The following PGBD5 variants were observed in gnomAD, a reference collection of about 807,000 sequenced individuals.
PGBD5 encodes the protein piggyBac transposable element-derived protein 5.
A neutral mutation model predicts 47.9 loss-of-function variants in PGBD5; 14 were observed. The observed-to-expected ratio is 0.29, with a 90% confidence interval of 0.19 to 0.46. The LOEUF is 0.46. Ranked by LOEUF, PGBD5 falls within the 20% of genes least tolerant of loss-of-function variation. The pLI is 1.00. For missense variants in PGBD5, 635 were observed against 716.0 expected, an observed-to-expected ratio of 0.89 and a Z score of 1.29; for synonymous variants, 316 against 306.3, an observed-to-expected ratio of 1.03 and a Z score of -0.33.
At position 230,408,003 on chromosome 1, in the gene PGBD5, CT is replaced by C. The variant is rs201571660; in HGVS notation, c.331+17594del. ...GGTAAGTCTTTACCTTAGAGAGCTACTGCTGGAGAGAATGGTGGAGACGTCA... is the reference window on the plus strand; with the variant it reads ...GGTAAGTCTTTACCTTAGAGAGCTACGCTGGAGAGAATGGTGGAGACGTCA... On this transcript the variant is annotated intron_variant, in intron 1 of 6. Coordinates refer to ENST00000391860, the MANE Select transcript of PGBD5 (RefSeq NM_001258311.2). 3.0e-3 allele frequency among the ~76,000 whole-genome samples: 450 copies of C among 152,304 alleles called. 3 individuals carry two copies. Among genetic ancestry groups the C allele is most frequent in the African/African-American group, 0.01 (425 of 41,560 alleles).
intron 1 of PGBD5, among the ~76,000 whole-genome samples, chr1:230,396,982 A>C (rs1389402545): frequency 6.6e-6 from 1 of 152,090 alleles, no homozygotes; most frequent in Non-Finnish European, 1.5e-5. Flanking sequence ...AGGGGTTTGG[A>C]GTCACGCCTT....
intron 1 of PGBD5, among the ~76,000 whole-genome samples, chr1:230,360,662 T>C (rs909296313): frequency 1.3e-5 from 2 of 152,174 alleles, no homozygotes; most frequent in Admixed American, 6.5e-5. Flanking sequence ...TCCGCCATGA[T>C]TGTAAGTTTC....
In PGBD5 at chr1:230,316,040, A is replaced by T. The variant is rs201825798; in HGVS notation, c.*7385T>A. The T allele has an allele frequency of 5.5e-4, 43 of 78,356 alleles. No individual in the cohort carries two copies. The highest frequency in any genetic ancestry group is 1.5e-3 in the African/African-American group (25 of 16,878). The allele number at this position is 78,356 out of a possible 1,614,324, so 4.9% of individuals were successfully genotyped here. On this transcript the variant is annotated 3_prime_UTR_variant, in exon 7 of 7. Coordinates refer to ENST00000391860, the MANE Select transcript of PGBD5 (RefSeq NM_001258311.2). Reference sequence around the variant, plus strand: ...TATGTATGTGTATACATACATAAGTATATGTGTACACATATATGTATGTGT... The same window carrying T: ...TATGTATGTGTATACATACATAAGTTTATGTGTACACATATATGTATGTGT...
chr1:230,378,918 G>A (rs529841111), intron 1 of PGBD5, among the ~76,000 whole-genome samples: 21 of 152,232 alleles, frequency 1.4e-4, no homozygotes, highest in African/African-American at 4.6e-4. Flanking sequence ...GAGGTCCCAA[G>A]GTGATGTATG....
At chr1:230,327,895 C>T (rs1667148187) in intron 5 of PGBD5, among the ~76,000 whole-genome samples, 1 of 152,246 alleles carries the variant, frequency 6.6e-6, no homozygotes, top group Non-Finnish European at 1.5e-5. Context: ...GTGCAGGTCT[C>T]CCATCTCCAG....
intron 1 of PGBD5, among the ~76,000 whole-genome samples, chr1:230,372,379 C>A (rs1198576327): frequency 6.6e-6 from 1 of 152,150 alleles, no homozygotes; most frequent in East Asian, 1.9e-4. Flanking sequence ...GATCTTCATA[C>A]AAAAAGACAA....
chr1:230,354,938 G>C (rs1365956854), intron 2 of PGBD5, among the ~76,000 whole-genome samples: 1 of 152,188 alleles, frequency 6.6e-6, no homozygotes, highest in Non-Finnish European at 1.5e-5. Context: ...AGGAGAGAGA[G>C]GAGGAAGAGG....
rs573811871 is a variant in PGBD5, at chr1:230,318,392, T to C, written c.*5033A>G. 6.9e-4 allele frequency: 105 copies of C among 152,164 alleles called. No homozygotes were observed. The highest frequency in any genetic ancestry group is 2.5e-3 in the African/African-American group (102 of 41,486). The allele number at this position is 152,164 out of a possible 1,614,324, so 9.4% of individuals were successfully genotyped here. On this transcript the variant is annotated 3_prime_UTR_variant, in exon 7 of 7. Transcript: ENST00000391860. ...TCATGTTCCTGATAAGAACGGAAGG[T>C]ATTTGGGCAGACAGCCAAGCCCGCA... is the stretch of plus-strand genomic sequence containing the variant.
At chr1:230,405,996 G>A (rs11122507) in intron 1 of PGBD5, among the ~76,000 whole-genome samples, 31,073 of 152,132 alleles carry the variant, frequency 0.2, 3,673 homozygotes, top group Admixed American at 0.37. Context: ...AAATATGCTA[G>A]GATTCTTTAC....
At chr1:230,413,971 G>C (rs757384218) in intron 1 of PGBD5, among the ~76,000 whole-genome samples, 1 of 152,092 alleles carries the variant, frequency 6.6e-6, no homozygotes, top group East Asian at 1.9e-4. Flanking sequence ...AACTTCTCAG[G>C]GCTGTTCTAC....
intron 1 of PGBD5, among the ~76,000 whole-genome samples, chr1:230,413,012 G>A (rs1302852571): frequency 6.6e-6 from 1 of 152,016 alleles, no homozygotes; most frequent in Non-Finnish European, 1.5e-5. Flanking sequence ...TGGAAATTGT[G>A]ACTTTAAGCA....
rs564929717 is a variant in PGBD5 at position 230,394,939 on chromosome 1, C to A, written c.331+30659G>T. ...CACTCCTACCCTCCTCTCCTCCACT[C>A]ACGCTCCTGCTGATCCCCAAGCTCC... On this transcript the variant is annotated intron_variant, in intron 1 of 6. Coordinates refer to ENST00000391860, the MANE Select transcript of PGBD5 (RefSeq NM_001258311.2). Among the ~76,000 whole-genome samples the A allele has an allele frequency of 8.6e-5, 12 of 139,018 alleles. No individual in the cohort carries two copies. The South Asian group carries it at 3.0e-3, about 35-fold the overall frequency. The allele number at this position is 139,018 out of a possible 152,430, so 91.2% of individuals were successfully genotyped here. A position where few individuals can be genotyped will look rare whatever the true frequency, so the allele number is the denominator to read the frequency against.
intron 1 of PGBD5, chr1:230,377,654 G>T: frequency 6.8e-7 from 1 of 1,467,584 alleles, no homozygotes; most frequent in African/African-American, 1.4e-5. Flanking sequence ...CCTGGTCAAG[G>T]TACATAATCC....
chr1:230,416,104 A>G (rs1657507487), intron 1 of PGBD5, among the ~76,000 whole-genome samples: 1 of 152,216 alleles, frequency 6.6e-6, no homozygotes, highest in African/African-American at 2.4e-5. Flanking sequence ...AATTCCTCAT[A>G]GATTCCTGCC....
At chr1:230,377,150 T>C (rs1418512531) in intron 1 of PGBD5, among the ~76,000 whole-genome samples, 1 of 152,194 alleles carries the variant, frequency 6.6e-6, no homozygotes, top group Non-Finnish European at 1.5e-5. Flanking sequence ...AATGAGCTCC[T>C]AAATGCATAA....
chr1:230,318,928 C>A lies in PGBD5; in HGVS notation c.*4497G>T, dbSNP rs11586112. On this transcript the variant is annotated 3_prime_UTR_variant, in exon 7 of 7. Transcript: ENST00000391860. ...CCAAAACACCCATCTCCATCTAGGA[C>A]AAGAAAAGGACCCAGGGGGAGGGTG... 61,196 of 152,144 alleles carry A rather than the reference C, an allele frequency of 0.4. 14,751 individuals are homozygous for A. The highest frequency in any genetic ancestry group is 0.52 in the Non-Finnish European group (35,534 of 68,002). 9.4% of individuals were successfully genotyped at this position (152,144 alleles called of 1,614,324 possible).
In PGBD5 at chr1:230,363,149, AC is replaced by A. The variant is rs1005229470; in HGVS notation, c.332-5829del. ...AAGAAGATCACATGACCTCGCACAC[AC>A]AGGCAAGAAGGCAGCTCTGGGCCTT... On this transcript the variant is annotated intron_variant, in intron 1 of 6. Coordinates refer to ENST00000391860, the MANE Select transcript of PGBD5 (RefSeq NM_001258311.2). Among the ~76,000 whole-genome samples the A allele has an allele frequency of 6.6e-5, 10 of 152,330 alleles. No homozygotes were observed. The East Asian group carries it at 1.9e-3, about 29-fold the overall frequency.
rs925697573 is a variant in PGBD5 at position 230,391,703 on chromosome 1, T to C, written c.331+33895A>G. Among the ~76,000 whole-genome samples, 38 of 152,356 alleles carry C rather than the reference T, an allele frequency of 2.5e-4. 1 individual carries two copies. Among genetic ancestry groups the C allele is most frequent in the Middle Eastern group, 3.4e-3 (1 of 294 alleles). The stretch of plus-strand genomic sequence containing the variant: ...CATCCATAAAACACAGCTCCTACTG[T>C]ATTTTGGTGCACTTAGGAGGATATG... On this transcript the variant is annotated intron_variant, in intron 1 of 6. Coordinates refer to ENST00000391860, the MANE Select transcript of PGBD5 (RefSeq NM_001258311.2).
intron 1 of PGBD5, among the ~76,000 whole-genome samples, chr1:230,404,798 T>TG (rs1238871498): frequency 6.6e-6 from 1 of 150,880 alleles, no homozygotes; most frequent in Non-Finnish European, 1.5e-5. Flanking sequence ...CTGGGCGTGG[T>TG]GGAGTAATCC....
Sources: allele counts gnomAD v4.1 joint callset (sites outside exome capture counted in the v4.1 genomes callset), GRCh38; gene constraint gnomAD v4.1.1; transcripts MANE v1.5; gene names NCBI Gene and HGNC (gene_info 2026-07-23, HGNC 2026-07-21).